EGF: variants seen among roughly 807,000 people sequenced by gnomAD.
EGF encodes pro-epidermal growth factor.
In EGF, 95 loss-of-function variants were observed where a neutral mutation model predicts 143.8. That is an observed-to-expected ratio of 0.66 (90% CI 0.56 to 0.78). EGF has a LOEUF of 0.78. Ranked by LOEUF, EGF falls within the 30% of genes least tolerant of loss-of-function variation. The pLI is 0.00. For synonymous variants in EGF, 510 were observed against 510.5 expected, an observed-to-expected ratio of 1.00 and a Z score of 0.01; for missense variants, 1,320 against 1,470.9, an observed-to-expected ratio of 0.90 and a Z score of 1.68.
chr4:110,001,870 A>G (rs1005830564), intron 21 of EGF: 14 of 985,296 alleles, frequency 1.4e-5, no homozygotes, highest in Middle Eastern at 5.2e-4. Context: ...GAGTTGTACA[A>G]TTCTTCCTGA....
rs1465852408 is a variant in EGF at position 109,980,982 on chromosome 4, T to C, written c.2371+7T>C. Reference sequence around the variant, plus strand: ...GGTCATCAGCTGTTGGCAGGTAATATAATAAATTATGTGGCAAATTACCTA... The same window carrying C: ...GGTCATCAGCTGTTGGCAGGTAATACAATAAATTATGTGGCAAATTACCTA... On this transcript the variant is annotated splice_region_variant and intron_variant, in intron 15 of 23. Coordinates refer to ENST00000265171, the MANE Select transcript of EGF (RefSeq NM_001963.6). The C allele has an allele frequency of 6.2e-7, 1 of 1,614,068 alleles. No individual in the cohort carries two copies. Among genetic ancestry groups the C allele is most frequent in the Non-Finnish European group, 8.5e-7 (1 of 1,179,936 alleles).
chr4:110,006,738 T>A (rs1271178787), intron 22 of EGF, among the ~76,000 whole-genome samples: 4 of 152,248 alleles, frequency 2.6e-5, no homozygotes, highest in Admixed American at 2.6e-4. Context: ...CATTTGCTGC[T>A]GTCATGAGCA....
rs920207708 is a variant in EGF at position 109,980,235 on chromosome 4, A to G, written c.2221+96A>G. On this transcript the variant is annotated intron_variant, in intron 14 of 23. Transcript: ENST00000265171. ...TGCAGTTGGCGGGGGGGTGGAGGGG[A>G]TTTTGTAACTTTCACTAACTGTGTA... is the stretch of plus-strand genomic sequence containing the variant. The G allele has an allele frequency of 6.9e-6, 9 of 1,306,428 alleles. No homozygotes were observed. In the African/African-American group the frequency reaches 1.3e-4, roughly 20 times the overall value. The allele number at this position is 1,306,428 out of a possible 1,614,324, so 80.9% of individuals were successfully genotyped here. A position where few individuals can be genotyped will look rare whatever the true frequency, so the allele number is the denominator to read the frequency against.
intron 22 of EGF, 129 bp downstream of exon 22, chr4:110,004,751 C>A: frequency 2.4e-6 from 1 of 415,184 alleles, no homozygotes; most frequent in Non-Finnish European, 4.4e-6. Flanking sequence ...CAGTGTTAGC[C>A]AAGACCACAT....
intron 5 of EGF, among the ~76,000 whole-genome samples, chr4:109,957,450 G>A (rs1319974451): frequency 6.6e-6 from 1 of 152,236 alleles, no homozygotes; most frequent in African/African-American, 2.4e-5. Context: ...AAAAGTGAAT[G>A]TGCTGCCACA....
intron 1 of EGF, among the ~76,000 whole-genome samples, chr4:109,928,548 C>T (rs1309641097): frequency 1.3e-5 from 2 of 152,124 alleles, no homozygotes; most frequent in Non-Finnish European, 2.9e-5. Flanking sequence ...AGTTAATTCT[C>T]TCCTGGGTCG....
Position 109,993,377 on chromosome 4 carries a change from G to T in EGF, c.2857+8G>T. On this transcript the variant is annotated splice_region_variant and intron_variant, in intron 19 of 23. Transcript: ENST00000265171. ...CAGGACTGATTTGCCCTGGTAGGTTGGTGGGTGGTCTACAGTGAAGGGGAG... is the reference window on the plus strand; with the variant it reads ...CAGGACTGATTTGCCCTGGTAGGTTTGTGGGTGGTCTACAGTGAAGGGGAG... The T allele has an allele frequency of 1.2e-6, 2 of 1,613,088 alleles. No homozygotes were observed. Among genetic ancestry groups the T allele is most frequent in the Non-Finnish European group, 1.7e-6 (2 of 1,179,558 alleles).
Position 110,011,653 on chromosome 4 carries a change from G to A in EGF, c.*198G>A. Reference sequence around the variant, plus strand: ...AGTCTCACTGCAGTCTTATTTCCAAGTAAGAGTACTGGGAGAATCACTAGG... The same window carrying A: ...AGTCTCACTGCAGTCTTATTTCCAAATAAGAGTACTGGGAGAATCACTAGG... On this transcript the variant is annotated 3_prime_UTR_variant, in exon 24 of 24. Transcript: ENST00000265171. 2.5e-6 allele frequency: 2 copies of A among 792,688 alleles called. No homozygotes were observed. Among genetic ancestry groups the A allele is most frequent in the Non-Finnish European group, 3.9e-6 (2 of 511,414 alleles). The allele number at this position is 792,688 out of a possible 1,614,324, so 49.1% of individuals were successfully genotyped here.
At chr4:109,913,580 G>A in intron 1 of EGF, 118 bp downstream of exon 1, 1 of 1,473,222 alleles carries the variant, frequency 6.8e-7, no homozygotes. Context: ...ATGTATAGTT[G>A]CTTAATTTTT....
rs1189887488 is a variant in EGF at position 109,994,846 on chromosome 4, A to G, written c.2971A>G (p.Met991Val). ...DGYCLHDGVCMYIEALDKYAC... is the reference protein window; with the variant it reads ...DGYCLHDGVCVYIEALDKYAC... ...GTACTGCCTCCATGATGGTGTGTGC[A>G]TGTATATTGAAGCATTGGACAAGTA... The change falls in exon 20 of 24, where the codon ATG becomes GTG. Residue 991 changes from methionine (M) to valine (V), a missense_variant. By Grantham distance (21) the Met-to-Val change is conservative (BLOSUM62 1). Coordinates refer to ENST00000265171, the MANE Select transcript of EGF (RefSeq NM_001963.6). The G allele has an allele frequency of 1.9e-6, 3 of 1,614,042 alleles. No homozygotes were observed. The highest frequency in any genetic ancestry group is 1.7e-6 in the Non-Finnish European group (2 of 1,180,008).
rs11569054 is a variant in EGF, at chr4:109,989,451, CT to C, written c.2734+744del. The stretch of plus-strand genomic sequence containing the variant: ...TCTCTTTCAGTATTTTCTTTCCCTC[CT>C]TCTGAAAACCTAAGAAACTGATAAG... On this transcript the variant is annotated intron_variant, in intron 18 of 23. Transcript: ENST00000265171. 6.8e-3 allele frequency among the ~76,000 whole-genome samples: 1,040 copies of C among 152,266 alleles called. 13 individuals carry two copies. The highest frequency in any genetic ancestry group is 0.024 in the African/African-American group (993 of 41,558).
chr4:109,923,566 T>C (rs1040898433), intron 1 of EGF, among the ~76,000 whole-genome samples: 2 of 151,566 alleles, frequency 1.3e-5, no homozygotes, highest in African/African-American at 4.9e-5. Flanking sequence ...GGGGAAGTTA[T>C]TTAAGTTATT....
intron 11 of EGF, 53 bp downstream of exon 11, chr4:109,969,172 G>C: frequency 6.2e-7 from 1 of 1,609,654 alleles, no homozygotes; most frequent in Non-Finnish European, 8.5e-7. Context: ...GATGGGATAG[G>C]TAATACTATT....
At chr4:109,918,645 C>T (rs1737138864) in intron 1 of EGF, among the ~76,000 whole-genome samples, 1 of 152,052 alleles carries the variant, frequency 6.6e-6, no homozygotes. Flanking sequence ...CTGTCCCTTT[C>T]CCATACTTCA....
At chr4:109,943,502 A>G in intron 3 of EGF, 67 bp downstream of exon 3, 2 of 1,548,800 alleles carry the variant, frequency 1.3e-6, no homozygotes, top group Non-Finnish European at 1.8e-6. Context: ...TAGAATTATA[A>G]CATTGTAAAT....
At chr4:109,941,204 A>G in intron 2 of EGF, 59 bp downstream of exon 2, 1 of 1,469,022 alleles carries the variant, frequency 6.8e-7, no homozygotes. Context: ...CAAATATAAT[A>G]TACTGAATTC....
chr4:109,963,098 T>A, intron 8 of EGF, 75 bp from the exon 9 acceptor site: 2 of 1,495,142 alleles, frequency 1.3e-6, no homozygotes, highest in Non-Finnish European at 1.9e-6. Context: ...AATGGTTGAC[T>A]CGCCCCCATC....
At chr4:109,938,735 T>C (rs1055723768) in intron 1 of EGF, among the ~76,000 whole-genome samples, 2 of 152,218 alleles carry the variant, frequency 1.3e-5, no homozygotes, top group African/African-American at 4.8e-5. Flanking sequence ...TTGATGCTAT[T>C]CATTTCTGTT....
In EGF at chr4:109,975,598, G is replaced by T. The variant is rs539737076; in HGVS notation, c.1830-414G>T. 2.0e-5 allele frequency among the ~76,000 whole-genome samples: 3 copies of T among 152,292 alleles called. No individual in the cohort carries two copies. The South Asian group carries it at 6.2e-4, about 32-fold the overall frequency. ...ATAAATATGATCTTTCCTTTATGTT[G>T]TAGTTTTACAAATGCAGTGAATTTT... On this transcript the variant is annotated intron_variant, in intron 12 of 23. Coordinates refer to ENST00000265171, the MANE Select transcript of EGF (RefSeq NM_001963.6).
Sources: gnomAD v4.1 joint callset for allele counts (sites outside exome capture counted in the v4.1 genomes callset) on GRCh38, gnomAD v4.1.1 for gene constraint, MANE v1.5 for transcripts, NCBI Gene and HGNC (gene_info 2026-07-23, HGNC 2026-07-21) for gene names.